The following SDK1 variants were observed in gnomAD, a reference collection of about 807,000 sequenced individuals.
SDK1 encodes sidekick cell adhesion molecule 1.
A neutral mutation model predicts 245.5 loss-of-function variants in SDK1; 157 were observed. That is an observed-to-expected ratio of 0.64 (90% confidence interval 0.56 to 0.73). The LOEUF (loss-of-function observed/expected upper bound fraction) is 0.73. Among genes scored for constraint, SDK1 ranks in the 30% least tolerant of loss-of-function variants. The probability of loss-of-function intolerance (pLI) is 0.00; values close to 1 mark genes in which losing one functional copy is unlikely to be tolerated. For synonymous variants in SDK1, 1,647 were observed against 1,278.5 expected, an observed-to-expected ratio of 1.29 and a Z score of -6.15; for missense variants, 3,583 against 3,002.3, an observed-to-expected ratio of 1.19 and a Z score of -4.52.
At chr7:3,489,975 G>A (rs567824758) in intron 1 of SDK1, among the ~76,000 whole-genome samples, 1 of 152,212 alleles carries the variant, frequency 6.6e-6, no homozygotes, top group East Asian at 1.9e-4. Context: ...TTGTCAAGAT[G>A]GGTTTTTTTT....
intron 4 of SDK1, among the ~76,000 whole-genome samples, chr7:3,710,143 C>A (rs1477164301): frequency 1.3e-5 from 2 of 152,166 alleles, no homozygotes; most frequent in African/African-American, 4.8e-5. Flanking sequence ...AGAATTGATT[C>A]TCCTCTCATT....
At chr7:4,158,606 A>G (rs569282836) in intron 31 of SDK1, 55 bp downstream of exon 31, 1 of 1,312,552 alleles carries the variant, frequency 7.6e-7, no homozygotes, top group Non-Finnish European at 1.1e-6. Context: ...GGAGCCCGAG[A>G]TACTTAGGCC....
chr7:3,997,611 C>A, intron 14 of SDK1, among the ~76,000 whole-genome samples: 1 of 152,194 alleles, frequency 6.6e-6, no homozygotes, highest in Non-Finnish European at 1.5e-5. Flanking sequence ...TACAGCTGGT[C>A]CTCCTGTCAT....
intron 1 of SDK1, among the ~76,000 whole-genome samples, chr7:3,435,717 G>A (rs1780002908): frequency 6.6e-6 from 1 of 151,950 alleles, no homozygotes; most frequent in East Asian, 1.9e-4. Flanking sequence ...TACTTTACAT[G>A]CCCCACCTAA....
At chr7:4,103,056 A>G (rs1478065736) in intron 22 of SDK1, among the ~76,000 whole-genome samples, 2 of 142,490 alleles carry the variant, frequency 1.4e-5, no homozygotes, top group African/African-American at 2.6e-5. Context: ...GCTGGAGTGT[A>G]GTGGTGCGAT....
At chr7:4,172,879 C>T (rs991385479) in intron 32 of SDK1, among the ~76,000 whole-genome samples, 9 of 152,210 alleles carry the variant, frequency 5.9e-5, no homozygotes, top group African/African-American at 2.2e-4. Flanking sequence ...CATAATTTCC[C>T]TCCACTCATC....
chr7:3,833,684 T>A (rs919598213), intron 5 of SDK1, among the ~76,000 whole-genome samples: 9 of 152,218 alleles, frequency 5.9e-5, no homozygotes, highest in Admixed American at 2.6e-4. Flanking sequence ...ACTTCACTTG[T>A]CTTGAACTGA....
At chr7:3,543,331 C>A (rs1017220559) in intron 1 of SDK1, among the ~76,000 whole-genome samples, 10 of 152,226 alleles carry the variant, frequency 6.6e-5, no homozygotes, top group Admixed American at 5.9e-4. Flanking sequence ...GTTTCATGGA[C>A]GCGATCACTA....
intron 40 of SDK1, among the ~76,000 whole-genome samples, chr7:4,226,936 A>T (rs1018008822): frequency 2.0e-4 from 30 of 147,632 alleles, no homozygotes; most frequent in Non-Finnish European, 3.6e-4. Flanking sequence ...ATTGTATTGC[A>T]TTTTTTTTTT....
chr7:3,950,118 C>T (rs77054366), intron 5 of SDK1, among the ~76,000 whole-genome samples: 1 of 152,206 alleles, frequency 6.6e-6, no homozygotes, highest in Non-Finnish European at 1.5e-5. Context: ...TAAATAAAGC[C>T]CCTCAGCCAC....
rs527994226 is a variant in SDK1, at chr7:4,080,711, G to A, written c.3324+1127G>A. 8.5e-5 allele frequency among the ~76,000 whole-genome samples: 13 copies of A among 152,234 alleles called. 1 individual carries two copies. Among genetic ancestry groups the A allele is most frequent in the East Asian group, 1.9e-4 (1 of 5,170 alleles). ...ATCACACACCAGGGACTGTTGTGGC[G>A]TTGAGGGGGTGGGGAGGGATAGCAT... On this transcript the variant is annotated intron_variant, in intron 22 of 44. Transcript: ENST00000404826.
intron 1 of SDK1, among the ~76,000 whole-genome samples, chr7:3,585,629 C>T (rs1365980634): frequency 2.0e-5 from 3 of 152,012 alleles, no homozygotes; most frequent in Non-Finnish European, 4.4e-5. Context: ...GGTACATGGT[C>T]AGTGGTAACA....
intron 22 of SDK1, among the ~76,000 whole-genome samples, chr7:4,089,232 A>T (rs1781631016): frequency 6.6e-6 from 1 of 152,060 alleles, no homozygotes; most frequent in Admixed American, 6.5e-5. Flanking sequence ...AGTGGAGGTG[A>T]GACCCTCATG....
chr7:3,667,767 A>G (rs550441459), intron 4 of SDK1, among the ~76,000 whole-genome samples: 1 of 152,340 alleles, frequency 6.6e-6, no homozygotes, highest in Non-Finnish European at 1.5e-5. Context: ...TTTGTTGCAC[A>G]TATCAGTACT....
At chr7:3,654,850 C>A (rs1301031638) in intron 4 of SDK1, among the ~76,000 whole-genome samples, 1 of 152,190 alleles carries the variant, frequency 6.6e-6, no homozygotes. Flanking sequence ...CTTCATTTCA[C>A]ATGAGCATAT....
At chr7:3,669,314 C>G (rs1251341225) in intron 4 of SDK1, among the ~76,000 whole-genome samples, 1 of 152,170 alleles carries the variant, frequency 6.6e-6, no homozygotes, top group African/African-American at 2.4e-5. Context: ...AACAGATTAA[C>G]TACAGACCTT....
At chr7:3,892,111 A>G (rs907384688) in intron 5 of SDK1, among the ~76,000 whole-genome samples, 3 of 152,100 alleles carry the variant, frequency 2.0e-5, no homozygotes, top group African/African-American at 7.2e-5. Context: ...ACTTCCTTTA[A>G]CAACTTTCCA....
chr7:4,247,592 G>A (rs1348580774), intron 44 of SDK1, among the ~76,000 whole-genome samples: 1 of 152,254 alleles, frequency 6.6e-6, no homozygotes, highest in Non-Finnish European at 1.5e-5. Context: ...CCGGCCTCGG[G>A]CCTGTCCCTG....
intron 19 of SDK1, among the ~76,000 whole-genome samples, chr7:4,054,158 C>G (rs1779059585): frequency 6.6e-6 from 1 of 152,152 alleles, no homozygotes; most frequent in Non-Finnish European, 1.5e-5. Context: ...CCAGGCTGCT[C>G]TCAAACTCCT....
Sources: gnomAD v4.1 joint callset for allele counts (sites outside exome capture counted in the v4.1 genomes callset) on GRCh38, gnomAD v4.1.1 for gene constraint, MANE v1.5 for transcripts, NCBI Gene and HGNC (gene_info 2026-07-23, HGNC 2026-07-21) for gene names.